Variants in DMD observed in about 807,000 individuals in gnomAD.
DMD encodes mutant dystrophin.
Under a neutral mutation model 330.1 loss-of-function variants are expected in DMD, and 63 were observed. The ratio of observed to expected loss-of-function variants is 0.19; its 90% confidence interval spans 0.16 to 0.24. DMD has a LOEUF of 0.24. DMD is among the 10% of genes least tolerant of loss of function. The probability of loss-of-function intolerance (pLI) is 1.00; values close to 1 mark genes in which losing one functional copy is unlikely to be tolerated. For missense variants in DMD, 3,344 were observed against 2,684.1 expected (o/e 1.25, Z -5.43); for synonymous variants, 1,223 against 959.8 (o/e 1.27, Z -5.07).
intron 44 of DMD, among the ~76,000 whole-genome samples, chrX:32,019,166 C>T (rs776227416): frequency 6.7e-4 from 70 of 104,800 alleles, no homozygotes; most frequent in African/African-American, 2.3e-3. Context: ...ATATTGTTCT[C>T]TTGTGATGAG....
rs757378668 is a variant in DMD, at chrX:32,468,645, C to A, written c.3015G>T (p.Glu1005Asp). The A allele has an allele frequency of 2.5e-6, 3 of 1,209,608 alleles. No homozygotes were observed. In the African/African-American group the frequency reaches 5.2e-5, roughly 21 times the overall value. ...TTTCAGAGGGCGCTTTCTTCGACAT[C>A]TCTTTCACAGTGGTGCTGAGATAGT... ...GLYYLSTTVK[E>D]MSKKAPSEIS... The change falls in exon 23 of 79, where the codon GAG becomes GAT. Residue 1005 changes from glutamate (E) to aspartate (D), a missense_variant. By Grantham distance (45) the Glu-to-Asp change is conservative (BLOSUM62 2). Coordinates refer to ENST00000357033, the MANE Select transcript of DMD (RefSeq NM_004006.3).
intron 2 of DMD, among the ~76,000 whole-genome samples, chrX:32,857,968 T>A (rs1182676182): frequency 9.3e-6 from 1 of 107,981 alleles, no homozygotes; most frequent in Non-Finnish European, 1.9e-5. Flanking sequence ...GGTAGGGGAT[T>A]CCATGTACAC....
At chrX:32,715,001 C>T (rs1348813665) in intron 7 of DMD, among the ~76,000 whole-genome samples, 2 of 111,148 alleles carry the variant, frequency 1.8e-5, no homozygotes, top group Non-Finnish European at 3.8e-5. Context: ...CTGAATACAA[C>T]ACACTATTAA....
Position 31,875,303 on chromosome X carries a change from T to C in DMD, c.6983A>G (p.Lys2328Arg). 2 of 1,209,620 alleles carry C rather than the reference T, an allele frequency of 1.7e-6. No individual in the cohort carries two copies. The highest frequency in any genetic ancestry group is 2.2e-6 in the Non-Finnish European group (2 of 894,137). Residue 2328 changes from lysine to arginine, a missense_variant, in exon 48 of 79, where the codon AAA becomes AGA. By Grantham distance (26) the Lys-to-Arg change is conservative. Transcript: ENST00000357033. Reference protein sequence around the residue: ...AQIKDLGQLEKKLEDLEEQLN... With the variant: ...AQIKDLGQLERKLEDLEEQLN... Reference sequence around the variant, plus strand: ...CTGCTCTTCAAGGTCTTCAAGCTTTTTTTCAAGCTGCCCAAGGTCTTTTAT... The same window carrying C: ...CTGCTCTTCAAGGTCTTCAAGCTTTCTTTCAAGCTGCCCAAGGTCTTTTAT...
chrX:31,682,494 T>C (rs1457449290), intron 52 of DMD, among the ~76,000 whole-genome samples: 1 of 112,071 alleles, frequency 8.9e-6, no homozygotes, highest in Non-Finnish European at 1.9e-5. Context: ...TAAATGCTCT[T>C]ATAAGAAAGC....
chrX:31,989,264 C>G (rs1603619289), intron 44 of DMD, among the ~76,000 whole-genome samples: 1 of 111,744 alleles, frequency 8.9e-6, no homozygotes, highest in Non-Finnish European at 1.9e-5. Context: ...TGTCTCGGTA[C>G]CCTGCGGCCC....
chrX:31,783,055 C>A (rs774723308), intron 50 of DMD, among the ~76,000 whole-genome samples: 1 of 111,589 alleles, frequency 9.0e-6, no homozygotes, highest in African/African-American at 3.3e-5. Context: ...ATAAAGACCA[C>A]GCTATTGATG....
chrX:32,542,884 T>G (rs1226388928), intron 17 of DMD, among the ~76,000 whole-genome samples: 3 of 111,851 alleles, frequency 2.7e-5, no homozygotes, highest in Non-Finnish European at 5.6e-5. Context: ...GAGTGAAAGT[T>G]GATGCTATAT....
At chrX:32,600,480 G>C (rs778840258) in intron 12 of DMD, among the ~76,000 whole-genome samples, 2 of 103,428 alleles carry the variant, frequency 1.9e-5, no homozygotes, top group Admixed American at 1.1e-4. Context: ...AACAGGAAAA[G>C]AACAGCTGTT....
intron 2 of DMD, among the ~76,000 whole-genome samples, chrX:33,004,344 T>C (rs1289056734): frequency 1.8e-5 from 2 of 111,465 alleles, no homozygotes; most frequent in Non-Finnish European, 3.8e-5. Context: ...TTGGCCAGGA[T>C]GAAGTATCAT....
intron 44 of DMD, among the ~76,000 whole-genome samples, chrX:32,127,577 C>T (rs1171149750): frequency 9.0e-6 from 1 of 111,536 alleles, no homozygotes; most frequent in Non-Finnish European, 1.9e-5. Flanking sequence ...GTCGCCTCTG[C>T]ACAAATTAGA....
chrX:31,493,129 C>T (rs760661303), intron 57 of DMD, among the ~76,000 whole-genome samples: 56 of 111,907 alleles, frequency 5.0e-4, no homozygotes, highest in Non-Finnish European at 9.4e-4. Context: ...GAATACCACT[C>T]TATTCTTTCT....
intron 2 of DMD, among the ~76,000 whole-genome samples, chrX:32,890,668 TA>T (rs202204468): frequency 9.0e-6 from 1 of 111,101 alleles, no homozygotes; most frequent in Non-Finnish European, 1.9e-5. Context: ...CCAGATTGTC[TA>T]AAAAAAAGAA....
At chrX:31,415,207 A>G (rs146531797) in intron 60 of DMD, among the ~76,000 whole-genome samples, 2,237 of 112,239 alleles carry the variant, frequency 0.02, 25 homozygotes, top group African/African-American at 0.047. Context: ...CTAACTCCCA[A>G]ACTTATTTTA....
intron 1 of DMD, among the ~76,000 whole-genome samples, chrX:33,231,122 T>C (rs1436990391): frequency 9.0e-6 from 1 of 111,643 alleles, no homozygotes; most frequent in South Asian, 3.7e-4. Context: ...TTTAGTTTTG[T>C]AAACTCAGAA....
At chrX:33,307,202 T>C (rs1480620119) in intron 1 of DMD, among the ~76,000 whole-genome samples, 1 of 111,483 alleles carries the variant, frequency 9.0e-6, no homozygotes, top group Non-Finnish European at 1.9e-5. Flanking sequence ...ATATTACACC[T>C]AAATTTGCTC....
At chrX:31,347,912 C>T (rs779552777) in intron 61 of DMD, among the ~76,000 whole-genome samples, 4 of 112,154 alleles carry the variant, frequency 3.6e-5, no homozygotes, top group African/African-American at 6.5e-5. Context: ...AATAGCCATT[C>T]TAATTGGGGT....
At chrX:32,830,882 G>T (rs2079098681) in intron 4 of DMD, among the ~76,000 whole-genome samples, 3 of 110,934 alleles carry the variant, frequency 2.7e-5, no homozygotes, top group Non-Finnish European at 5.7e-5. Context: ...GAACTCTTTA[G>T]AAACACCTCA....
intron 48 of DMD, among the ~76,000 whole-genome samples, chrX:31,870,904 C>T (rs1217086034): frequency 9.0e-6 from 1 of 111,208 alleles, no homozygotes; most frequent in African/African-American, 3.3e-5. Flanking sequence ...ATTATGTGTC[C>T]CGCCACACCT....
Sources: gnomAD v4.1 joint callset for allele counts (sites outside exome capture counted in the v4.1 genomes callset) on GRCh38, gnomAD v4.1.1 for gene constraint, MANE v1.5 for transcripts, NCBI Gene and HGNC (gene_info 2026-07-23, HGNC 2026-07-21) for gene names.